Variants in CYTH2 observed in about 807,000 individuals in gnomAD.
CYTH2 encodes cytohesin-2.
Under a neutral mutation model 55.4 loss-of-function variants are expected in CYTH2, and 24 were observed. The observed-to-expected ratio is 0.43, with a 90% confidence interval of 0.31 to 0.61. The LOEUF (loss-of-function observed/expected upper bound fraction) is 0.61, where lower values mean the gene tolerates loss of function less well. Among genes scored for constraint, CYTH2 ranks in the 20% least tolerant of loss-of-function variants. The pLI, the probability that CYTH2 is intolerant of heterozygous loss-of-function variation, is 0.08. For missense variants in CYTH2, 378 were observed against 533.5 expected, an observed-to-expected ratio of 0.71 and a Z score of 2.87; for synonymous variants, 221 against 209.6, an observed-to-expected ratio of 1.05 and a Z score of -0.47.
Position 48,479,293 on chromosome 19 carries a change from T to A in CYTH2, c.*83T>A. ...CCCTGGGCCTTGGGGCTGTGGATCC[T>A]GGTTCCCTGTTTGGAAAATTCACCA... is the stretch of plus-strand genomic sequence containing the variant. On this transcript the variant is annotated 3_prime_UTR_variant, in exon 12 of 12. Coordinates refer to ENST00000452733, the MANE Select transcript of CYTH2 (RefSeq NM_004228.7). 1 of 1,461,868 alleles carries A rather than the reference T, an allele frequency of 6.8e-7. No individual in the cohort carries two copies. The highest frequency in any genetic ancestry group is 9.5e-7 in the Non-Finnish European group (1 of 1,051,840). 90.6% of individuals were successfully genotyped at this position (1,461,868 alleles called of 1,614,324 possible). A position where few individuals can be genotyped will look rare whatever the true frequency, so the allele number is the denominator to read the frequency against.
chr19:48,473,054 C>T, intron 4 of CYTH2: 1 of 501,354 alleles, frequency 2.0e-6, no homozygotes, highest in Non-Finnish European at 3.6e-6. Flanking sequence ...TGCGGCATTT[C>T]TCCCAACTGT....
In CYTH2 at chr19:48,474,119, G is replaced by A; in HGVS notation, c.548-63G>A. On this transcript the variant is annotated intron_variant, in intron 6 of 11. Coordinates refer to ENST00000452733, the MANE Select transcript of CYTH2 (RefSeq NM_004228.7). This position sits in a 1 kb window ranked among gnomAD's most constrained non-coding sequence, Gnocchi z 4.9. Reference sequence around the variant, plus strand: ...CTGGGAGCTGGGAATCCTGGGTCCTGGGGAATGGGGGCACTGGGGACTGAC... The same window carrying A: ...CTGGGAGCTGGGAATCCTGGGTCCTAGGGAATGGGGGCACTGGGGACTGAC... 1 of 1,552,912 alleles carries A rather than the reference G, an allele frequency of 6.4e-7. No individual in the cohort carries two copies. Among genetic ancestry groups the A allele is most frequent in the Admixed American group, 1.9e-5 (1 of 52,520 alleles).
rs1004032218 is a variant in CYTH2, at chr19:48,470,514, C to T, written c.167+14C>T. On this transcript the variant is annotated intron_variant, in intron 2 of 11. Transcript: ENST00000452733. The stretch of plus-strand genomic sequence containing the variant: ...CAATGAGGGCAGGTGAGGGCTGGGG[C>T]GGATGACCTAGGGGGCGTGGGGTTG... The T allele has an allele frequency of 7.4e-6, 12 of 1,613,154 alleles. No homozygotes were observed. The African/African-American group carries it at 1.1e-4, about 14-fold the overall frequency.
chr19:48,477,367 G>T (rs1971934535), intron 8 of CYTH2: 1 of 152,436 alleles, frequency 6.6e-6, no homozygotes, highest in Non-Finnish European at 1.5e-5. Flanking sequence ...CATGTCAAGG[G>T]AGGATGCTCC....
rs141206312 is a variant in CYTH2 at position 48,471,003 on chromosome 19, A to G, written c.234+334A>G. ...ACAAAGGAGAGTTGACCTCTCTCCC[A>G]CAAAGGTGCCGTGACGGAGGAAGGT... On this transcript the variant is annotated intron_variant, in intron 3 of 11. Transcript: ENST00000452733. Among the ~76,000 whole-genome samples the G allele has an allele frequency of 2.4e-3, 364 of 152,244 alleles. 3 individuals carry two copies. The highest frequency in any genetic ancestry group is 8.3e-3 in the African/African-American group (345 of 41,524).
At chr19:48,478,865 G>A (rs1396843715) in intron 11 of CYTH2, among the ~76,000 whole-genome samples, 2 of 148,370 alleles carry the variant, frequency 1.3e-5, no homozygotes, top group Non-Finnish European at 3.0e-5. Flanking sequence ...GGACTCCTGG[G>A]TCTGACGGAG....
Position 48,474,062 on chromosome 19 carries a change from C to T in CYTH2, c.547+45C>T, listed in dbSNP as rs1235803351. 1.9e-6 allele frequency: 3 copies of T among 1,567,878 alleles called. No individual in the cohort carries two copies. Among genetic ancestry groups the T allele is most frequent in the Non-Finnish European group, 2.6e-6 (3 of 1,157,326 alleles). On this transcript the variant is annotated intron_variant, in intron 6 of 11. Transcript: ENST00000452733. This position sits in a 1 kb window ranked among gnomAD's most constrained non-coding sequence, Gnocchi z 4.9. ...GGTCCTGGGAAAGAGGAGACTGGGG[C>T]CCAGACTCCTAGGTCTGAGGGAGGG...
chr19:48,472,274 G>T, intron 3 of CYTH2, 51 bp from the exon 4 acceptor site: 1 of 1,556,650 alleles, frequency 6.4e-7, no homozygotes, highest in Non-Finnish European at 8.8e-7. Context: ...AGGGAGGTGA[G>T]TGGGGTGGCT....
chr19:48,475,243 A>T, intron 8 of CYTH2: 2 of 379,902 alleles, frequency 5.3e-6, no homozygotes, highest in Non-Finnish European at 9.5e-6. Context: ...GGCAGCTGAC[A>T]TTGTCCTTTC....
At chr19:48,473,182 C>A in intron 4 of CYTH2, 116 bp from the exon 5 acceptor site, 1 of 1,125,046 alleles carries the variant, frequency 8.9e-7, no homozygotes. Flanking sequence ...ACTTCACCCT[C>A]GGCAGTGGGC....
chr19:48,478,287 C>G lies in CYTH2; in HGVS notation c.898C>G (p.Arg300Gly). The G allele has an allele frequency of 1.9e-6, 3 of 1,613,586 alleles. No homozygotes were observed. The highest frequency in any genetic ancestry group is 2.5e-6 in the Non-Finnish European group (3 of 1,179,898). ...CTTGCTTCTTCAGGACAAGGAGCCC[C>G]GAGGAATCATCCCCCTGGAGAATCT... ...YFEYTTDKEP[R>G]GIIPLENLSI... The change falls in exon 10 of 12, where the codon CGA becomes GGA. Residue 300 changes from arginine (R) to glycine (G), a missense_variant. Physicochemically the swap from Arg to Gly is moderately radical, Grantham distance 125 (BLOSUM62 -2). Transcript: ENST00000452733.
Position 48,478,355 on chromosome 19 carries a change from C to T in CYTH2, c.957+9C>T, listed in dbSNP as rs1555898936. 4.3e-6 allele frequency: 7 copies of T among 1,614,110 alleles called. No individual in the cohort carries two copies. Among genetic ancestry groups the T allele is most frequent in the Middle Eastern group, 3.3e-4 (2 of 6,060 alleles). On this transcript the variant is annotated intron_variant, in intron 10 of 11. Transcript: ENST00000452733. Reference sequence around the variant, plus strand: ...ACGACCCCCGGAAACCGGTAAGACCCTCTCTGTACACCTTCCTGCCAGGGC... The same window carrying T: ...ACGACCCCCGGAAACCGGTAAGACCTTCTCTGTACACCTTCCTGCCAGGGC...
chr19:48,476,537 A>G (rs1160329114), intron 8 of CYTH2: 8 of 152,526 alleles, frequency 5.2e-5, no homozygotes, highest in African/African-American at 1.7e-4. Flanking sequence ...CGGGCCAGAA[A>G]GAGAAGCAGG....
chr19:48,473,461 A>G, intron 5 of CYTH2, 83 bp downstream of exon 5: 1 of 1,421,530 alleles, frequency 7.0e-7, no homozygotes, highest in Admixed American at 1.7e-5. Flanking sequence ...CTTACTCAAG[A>G]AAAAAACAGA....
intron 1 of CYTH2, chr19:48,469,916 TC>T: frequency 1.8e-6 from 1 of 564,762 alleles, no homozygotes; most frequent in Non-Finnish European, 3.5e-6. Context: ...CCTTCCCAAC[TC>T]TCCTGAGCTG....
intron 8 of CYTH2, chr19:48,476,708 T>A (rs1409943774): frequency 6.6e-6 from 1 of 152,066 alleles, no homozygotes; most frequent in Non-Finnish European, 1.5e-5. Flanking sequence ...AAACCCCGTC[T>A]CTACTAAAAA....
intron 3 of CYTH2, among the ~76,000 whole-genome samples, chr19:48,471,422 G>T (rs1971791122): frequency 6.6e-6 from 1 of 152,180 alleles, no homozygotes; most frequent in Non-Finnish European, 1.5e-5. Context: ...AAAGTGTTGG[G>T]ATTACAGGCA....
rs1377072415 is a variant in CYTH2, at chr19:48,480,342, G to A, written c.*1132G>A. 6.6e-6 allele frequency: 1 copy of A among 152,264 alleles called. No individual in the cohort carries two copies. The highest frequency in any genetic ancestry group is 1.5e-5 in the Non-Finnish European group (1 of 68,048). 9.4% of individuals were successfully genotyped at this position (152,264 alleles called of 1,614,324 possible). A position where few individuals can be genotyped will look rare whatever the true frequency, so the allele number is the denominator to read the frequency against. On this transcript the variant is annotated 3_prime_UTR_variant, in exon 12 of 12. Coordinates refer to ENST00000452733, the MANE Select transcript of CYTH2 (RefSeq NM_004228.7). Reference sequence around the variant, plus strand: ...TGGGAGAGGCGCCTGTGGCCCCGAGGCGTGCCGCGAGTTGTAGTCCCTCCT... The same window carrying A: ...TGGGAGAGGCGCCTGTGGCCCCGAGACGTGCCGCGAGTTGTAGTCCCTCCT...
chr19:48,472,304 G>A (rs199664481), intron 3 of CYTH2, 21 bp from the exon 4 acceptor site: 232 of 1,612,400 alleles, frequency 1.4e-4, no homozygotes, highest in Admixed American at 3.8e-4. Context: ...TCAGCACTGA[G>A]ACCTTGTCCC....
Sources: allele counts gnomAD v4.1 joint callset (sites outside exome capture counted in the v4.1 genomes callset), GRCh38; gene constraint gnomAD v4.1.1; non-coding constraint Gnocchi (gnomAD v3.1); transcripts MANE v1.5; gene names NCBI Gene and HGNC (gene_info 2026-07-23, HGNC 2026-07-21).